Variants in FYN observed in about 807,000 individuals in gnomAD.
The protein encoded by FYN is FYN proto-oncogene, Src family tyrosine kinase, also known as tyrosine-protein kinase Fyn.
FYN carries 10 observed loss-of-function variants against 70.2 expected under a neutral mutation model. That is an observed-to-expected ratio of 0.14 (90% CI 0.09 to 0.24). FYN has a LOEUF of 0.24. Among genes scored for constraint, FYN ranks in the 10% least tolerant of loss-of-function variants. The pLI, the probability that FYN is intolerant of heterozygous loss-of-function variation, is 1.00. For synonymous variants in FYN, 236 were observed against 248.6 expected (o/e 0.95, Z 0.48); for missense variants, 319 against 673.1 (o/e 0.47, Z 5.82).
At chr6:111,832,547 CTTTT>C in intron 2 of FYN, among the ~76,000 whole-genome samples, 1 of 152,004 alleles carries the variant, frequency 6.6e-6, no homozygotes, top group Non-Finnish European at 1.5e-5. Context: ...TGGTATACTG[CTTTT>C]TTTTCTATTT....
intron 3 of FYN, among the ~76,000 whole-genome samples, chr6:111,724,883 AG>A (rs1405960421): frequency 2.6e-5 from 4 of 152,224 alleles, no homozygotes; most frequent in African/African-American, 9.6e-5. Context: ...AGAACAAGGA[AG>A]GGAACTGAAC....
At chr6:111,868,630 T>C (rs1215151600) in intron 1 of FYN, among the ~76,000 whole-genome samples, 2 of 152,232 alleles carry the variant, frequency 1.3e-5, no homozygotes, top group Admixed American at 1.3e-4. Flanking sequence ...TTATGGCACA[T>C]AACGTATTTT....
chr6:111,753,918 C>A (rs1329045694), intron 3 of FYN, among the ~76,000 whole-genome samples: 1 of 152,120 alleles, frequency 6.6e-6, no homozygotes, highest in Non-Finnish European at 1.5e-5. Context: ...CTCAGCTTAA[C>A]CAGAGAGAAG....
At position 111,829,786 on chromosome 6, in the gene FYN, T is replaced by C. The variant is rs144687672; in HGVS notation, c.-82+16803A>G. On this transcript the variant is annotated intron_variant, in intron 2 of 13. Transcript: ENST00000354650. The stretch of plus-strand genomic sequence containing the variant: ...CCATTAAGTCTATGAAATACTGCAA[T>C]AGACATGCCACGGATACATGCATGA... Among the ~76,000 whole-genome samples the C allele has an allele frequency of 4.8e-3, 730 of 152,278 alleles. 8 individuals carry two copies. Among genetic ancestry groups the C allele is most frequent in the African/African-American group, 0.014 (584 of 41,554 alleles).
chr6:111,719,925 C>A lies in FYN; in HGVS notation c.127G>T (p.Gly43Cys). 6.2e-7 allele frequency: 1 copy of A among 1,614,150 alleles called. No individual in the cohort carries two copies. Among genetic ancestry groups the A allele is most frequent in the Non-Finnish European group, 8.5e-7 (1 of 1,180,034 alleles). The change falls in exon 4 of 14, where the codon GGT becomes TGT. Residue 43 changes from glycine (G) to cysteine (C), a missense_variant. Around this residue, in one of 4 missense-constraint regions of FYN, gnomAD observed 128 missense variants for 183.9 expected, o/e 0.70. Coordinates refer to ENST00000354650, the MANE Select transcript of FYN (RefSeq NM_002037.5). ...TTGTAGTTGGGGATGGAGGTCACAC[C>A]GAAGCTGGGGTAGTGCTGAGGGGTG... ...DPTPQHYPSF[G>C]VTSIPNYNNF... is the part of the protein sequence containing the mutation.
At chr6:111,789,939 C>G (rs1040463916) in intron 2 of FYN, among the ~76,000 whole-genome samples, 1 of 152,178 alleles carries the variant, frequency 6.6e-6, no homozygotes, top group African/African-American at 2.4e-5. Flanking sequence ...CACAGTATCA[C>G]AATGCTGCCA....
chr6:111,835,633 T>G (rs1258333955), intron 2 of FYN, among the ~76,000 whole-genome samples: 1 of 152,162 alleles, frequency 6.6e-6, no homozygotes, highest in African/African-American at 2.4e-5. Flanking sequence ...ACATTTGATT[T>G]TTTTTTAGAT....
intron 2 of FYN, among the ~76,000 whole-genome samples, chr6:111,826,707 A>G (rs2114391822): frequency 6.6e-6 from 1 of 152,308 alleles, no homozygotes; most frequent in Non-Finnish European, 1.5e-5. Flanking sequence ...ATCCCCTTCT[A>G]ACAATGACAG....
intron 4 of FYN, among the ~76,000 whole-genome samples, chr6:111,714,688 T>C (rs762332098): frequency 2.0e-5 from 3 of 152,194 alleles, no homozygotes; most frequent in African/African-American, 2.4e-5. Context: ...CTTTCTGTAA[T>C]AGCTTTTAAT....
At chr6:111,759,995 T>A (rs903323423) in intron 3 of FYN, 5 of 152,164 alleles carry the variant, frequency 3.3e-5, no homozygotes, top group Non-Finnish European at 7.4e-5. Flanking sequence ...CATTTTTTTT[T>A]TTTTCTGGGC....
At position 111,661,091 on chromosome 6, in the gene FYN, G is replaced by C. The variant is rs1211833336; in HGVS notation, c.*648C>G. ...TGCAAAAGCCAAAAATGAGGCCACT[G>C]GTGTTTTCAGAATAACACCGGTGCT... On this transcript the variant is annotated 3_prime_UTR_variant, in exon 14 of 14. Transcript: ENST00000354650. The surrounding 1 kb of genome is among the most constrained non-coding windows in gnomAD (Gnocchi z 4.0). 6.6e-6 allele frequency: 1 copy of C among 152,056 alleles called. No homozygotes were observed. Among genetic ancestry groups the C allele is most frequent in the Non-Finnish European group, 1.5e-5 (1 of 68,014 alleles). The allele number at this position is 152,056 out of a possible 1,614,324, so 9.4% of individuals were successfully genotyped here. A position where few individuals can be genotyped will look rare whatever the true frequency, so the allele number is the denominator to read the frequency against.
At chr6:111,742,340 A>G (rs9487713) in intron 3 of FYN, among the ~76,000 whole-genome samples, 18,475 of 152,212 alleles carry the variant, frequency 0.12, 1,890 homozygotes, top group African/African-American at 0.28. Context: ...GCAAATCAAC[A>G]TCTTCCAGTG....
At chr6:111,813,261 AC>A (rs1772383024) in intron 2 of FYN, among the ~76,000 whole-genome samples, 1 of 152,128 alleles carries the variant, frequency 6.6e-6, no homozygotes. Context: ...TCCCCATCCA[AC>A]CCAGTTGAAC....
chr6:111,678,411 C>T (rs1322876907), intron 12 of FYN, among the ~76,000 whole-genome samples: 3 of 151,972 alleles, frequency 2.0e-5, no homozygotes, highest in South Asian at 4.2e-4. Flanking sequence ...ATAAATGTGT[C>T]GATGTTTTAA....
At chr6:111,717,667 T>G (rs1233212405) in intron 4 of FYN, among the ~76,000 whole-genome samples, 1 of 152,194 alleles carries the variant, frequency 6.6e-6, no homozygotes, top group Non-Finnish European at 1.5e-5. Flanking sequence ...TTTCGCCATG[T>G]TGGCCAGGAT....
intron 2 of FYN, among the ~76,000 whole-genome samples, chr6:111,814,885 G>A (rs1256730807): frequency 1.3e-5 from 2 of 152,202 alleles, no homozygotes; most frequent in Non-Finnish European, 2.9e-5. Context: ...CAGCGAACAG[G>A]TATGTTCTCA....
chr6:111,664,367 T>C (rs1250962981), intron 13 of FYN, among the ~76,000 whole-genome samples: 4 of 152,108 alleles, frequency 2.6e-5, no homozygotes, highest in Admixed American at 2.0e-4. Flanking sequence ...CCCTCCAAAA[T>C]GGCAGCACAG....
chr6:111,754,973 T>TTG (rs1484238585), intron 3 of FYN, among the ~76,000 whole-genome samples: 1 of 151,938 alleles, frequency 6.6e-6, no homozygotes, highest in East Asian at 1.9e-4. Context: ...AAGCTGTTTT[T>TTG]TTTTTTTTTT....
intron 3 of FYN, among the ~76,000 whole-genome samples, chr6:111,739,351 AAC>A (rs1266186091): frequency 6.6e-6 from 1 of 152,216 alleles, no homozygotes; most frequent in East Asian, 1.9e-4. Flanking sequence ...ATATGAGATA[AAC>A]ACAAATGGAG....
Sources: allele counts gnomAD v4.1 joint callset (sites outside exome capture counted in the v4.1 genomes callset), GRCh38; gene constraint gnomAD v4.1.1; regional missense constraint gnomAD v4.1.1; non-coding constraint Gnocchi (gnomAD v3.1); transcripts MANE v1.5; gene names NCBI Gene and HGNC (gene_info 2026-07-23, HGNC 2026-07-21).